TGIF1: variants seen among roughly 807,000 people sequenced by gnomAD.
TGIF1 encodes the protein homeobox protein TGIF1.
In TGIF1, 4 loss-of-function variants were observed where a neutral mutation model predicts 19.3. The ratio of observed to expected loss-of-function variants is 0.21; its 90% confidence interval spans 0.10 to 0.47. TGIF1 has a LOEUF of 0.47. Among genes scored for constraint, TGIF1 ranks in the 20% least tolerant of loss-of-function variants. The pLI, the probability that TGIF1 is intolerant of heterozygous loss-of-function variation, is 0.98. For synonymous variants in TGIF1, 122 were observed against 129.3 expected (o/e 0.94, Z 0.38); for missense variants, 275 against 341.4 (o/e 0.81, Z 1.53).
Position 3,451,634 on chromosome 18 carries a change from G to T in TGIF1, c.16+1129G>T, listed in dbSNP as rs1288618916. On this transcript the variant is annotated intron_variant, in intron 1 of 2. Transcript: ENST00000343820. The surrounding 1 kb of genome is among the most constrained non-coding windows in gnomAD (Gnocchi z 5.4). ...GGCCCGCTGCGGGGCGTTCCTGGGG[G>T]GTAGCCTCAAGGCCAGCGGGGTTCC... The T allele has an allele frequency of 1.8e-5, 20 of 1,112,768 alleles. No homozygotes were observed. The highest frequency in any genetic ancestry group is 2.2e-5 in the Non-Finnish European group (20 of 912,696). 68.9% of individuals were successfully genotyped at this position (1,112,768 alleles called of 1,614,324 possible).
At chr18:3,431,176 G>T (rs1346073371) in intron 2 of TGIF1, among the ~76,000 whole-genome samples, 2 of 152,258 alleles carry the variant, frequency 1.3e-5, no homozygotes, top group South Asian at 2.1e-4. Flanking sequence ...GTCTGGCGTG[G>T]TGGCTCGCAC....
At position 3,452,426 on chromosome 18, in the gene TGIF1, T is replaced by C. The variant is rs774489083; in HGVS notation, c.16+1921T>C. ...AACTTTGCGACTGGTTCAGGGCTCT[T>C]TGGGGGAGCCGAGGCTGCCGAGGTT... On this transcript the variant is annotated intron_variant, in intron 1 of 2. Coordinates refer to ENST00000343820, the MANE Select transcript of TGIF1 (RefSeq NM_003244.4). The C allele has an allele frequency of 5.6e-6, 9 of 1,612,374 alleles. No individual in the cohort carries two copies. In the African/African-American group the frequency reaches 9.3e-5, roughly 17 times the overall value.
Position 3,444,238 on chromosome 18 carries a change from C to T in TGIF1, c.-44-12116C>T, listed in dbSNP as rs575024815. On this transcript the variant is annotated intron_variant, in intron 2 of 3. Transcript: ENST00000401449. Reference sequence around the variant, plus strand: ...GATTACAGGCATGAACCATTGCACCCGGCCTGTATTCTTATTTTAAATTAT... The same window carrying T: ...GATTACAGGCATGAACCATTGCACCTGGCCTGTATTCTTATTTTAAATTAT... 1.1e-3 allele frequency among the ~76,000 whole-genome samples: 169 copies of T among 151,528 alleles called. 1 individual carries two copies. The highest frequency in any genetic ancestry group is 3.4e-3 in the Middle Eastern group (1 of 290).
At chr18:3,425,153 G>A (rs2143158185) in intron 2 of TGIF1, among the ~76,000 whole-genome samples, 1 of 152,342 alleles carries the variant, frequency 6.6e-6, no homozygotes, top group East Asian at 1.9e-4. Context: ...GATAGTGTCA[G>A]AATTGAACTG....
chr18:3,432,790 A>G (rs531528328), intron 2 of TGIF1, among the ~76,000 whole-genome samples: 3 of 150,676 alleles, frequency 2.0e-5, no homozygotes, highest in Non-Finnish European at 4.4e-5. Context: ...ATGGAGTTTC[A>G]CACTTGTTTC....
chr18:3,443,133 A>T (rs1286894870), intron 2 of TGIF1, among the ~76,000 whole-genome samples: 1 of 152,216 alleles, frequency 6.6e-6, no homozygotes, highest in Non-Finnish European at 1.5e-5. Flanking sequence ...GTTCATTATC[A>T]GTATGCCCCA....
chr18:3,417,902 C>T (rs1323193979), intron 1 of TGIF1, among the ~76,000 whole-genome samples: 1 of 152,064 alleles, frequency 6.6e-6, no homozygotes, highest in Admixed American at 6.6e-5. Context: ...AGTTCAAGAC[C>T]AGCCTGGGCA....
chr18:3,425,789 A>G (rs1028700996), intron 2 of TGIF1, among the ~76,000 whole-genome samples: 1 of 152,258 alleles, frequency 6.6e-6, no homozygotes. Flanking sequence ...TGGTGCCAGC[A>G]TCGTGTCAAC....
At chr18:3,455,420 C>T (rs192483836) in intron 1 of TGIF1, 15 of 152,260 alleles carry the variant, frequency 9.9e-5, no homozygotes, top group Non-Finnish European at 1.5e-5. Context: ...GATTAAAGTA[C>T]TTACAGCCAA....
At chr18:3,443,410 C>CTT (rs764806240) in intron 2 of TGIF1, among the ~76,000 whole-genome samples, 5 of 145,464 alleles carry the variant, frequency 3.4e-5, no homozygotes, top group Admixed American at 1.4e-4. Context: ...GATAATAATA[C>CTT]TTTTTTTTTT....
At chr18:3,434,400 G>A (rs981978183) in intron 2 of TGIF1, among the ~76,000 whole-genome samples, 3 of 152,032 alleles carry the variant, frequency 2.0e-5, no homozygotes, top group African/African-American at 7.2e-5. Context: ...CCCGGGCGTG[G>A]TGGTGCATGC....
intron 1 of TGIF1, among the ~76,000 whole-genome samples, chr18:3,454,221 G>A (rs2083089973): frequency 1.3e-5 from 2 of 152,180 alleles, no homozygotes; most frequent in Non-Finnish European, 2.9e-5. Context: ...GCTTTTGTGT[G>A]TCACTAACCT....
intron 1 of TGIF1, among the ~76,000 whole-genome samples, chr18:3,452,632 A>AAC (rs2083012220): frequency 6.6e-6 from 1 of 151,968 alleles, no homozygotes; most frequent in African/African-American, 2.4e-5. Context: ...AACTCTCAAG[A>AAC]ACAAAAGCTA....
chr18:3,425,042 T>G (rs907605621), intron 2 of TGIF1, among the ~76,000 whole-genome samples: 1 of 152,180 alleles, frequency 6.6e-6, no homozygotes, highest in African/African-American at 2.4e-5. Context: ...AGCCAGTTGG[T>G]CAGAAGTATT....
upstream of TGIF1, chr18:3,447,556 C>T: frequency 1.4e-6 from 1 of 724,634 alleles, no homozygotes; most frequent in Non-Finnish European, 2.5e-6. Context: ...TGACCCTAGG[C>T]ACTTTCTTCC....
intron 1 of TGIF1, among the ~76,000 whole-genome samples, chr18:3,454,990 T>A (rs2083120227): frequency 6.6e-6 from 1 of 152,222 alleles, no homozygotes; most frequent in Admixed American, 6.5e-5. Context: ...CCGTGTTTAT[T>A]TCCTGTCAAG....
In TGIF1 at chr18:3,457,114, C is replaced by T. The variant is rs1379249905; in HGVS notation, c.244-251C>T. 6.8e-6 allele frequency: 4 copies of T among 587,558 alleles called. No homozygotes were observed. The highest frequency in any genetic ancestry group is 1.9e-5 in the African/African-American group (1 of 53,664). The allele number at this position is 587,558 out of a possible 1,614,324, so 36.4% of individuals were successfully genotyped here. Reference sequence around the variant, plus strand: ...TGAGATTGTATGTCTTTTTCTTCGTCCTGAAAAGGTTTAAGTATGAAGAGA... The same window carrying T: ...TGAGATTGTATGTCTTTTTCTTCGTTCTGAAAAGGTTTAAGTATGAAGAGA... On this transcript the variant is annotated intron_variant, in intron 2 of 2. Transcript: ENST00000343820. This position sits in a 1 kb window ranked among gnomAD's most constrained non-coding sequence, Gnocchi z 4.9.
At chr18:3,417,467 TA>T (rs1204962370) in intron 1 of TGIF1, among the ~76,000 whole-genome samples, 11 of 152,320 alleles carry the variant, frequency 7.2e-5, no homozygotes, top group South Asian at 2.1e-4. Flanking sequence ...CCCTGTTTGT[TA>T]AATAAATTCT....
chr18:3,431,458 T>A (rs913949971), intron 2 of TGIF1, among the ~76,000 whole-genome samples: 1 of 151,608 alleles, frequency 6.6e-6, no homozygotes, highest in Non-Finnish European at 1.5e-5. Context: ...AAACTAAAAC[T>A]AAAATAAAAT....
Sources: gnomAD v4.1 joint callset for allele counts (sites outside exome capture counted in the v4.1 genomes callset) on GRCh38, gnomAD v4.1.1 for gene constraint, Gnocchi (gnomAD v3.1) non-coding constraint, MANE v1.5 for transcripts, NCBI Gene and HGNC (gene_info 2026-07-23, HGNC 2026-07-21) for gene names.